Variants in ARHGAP44 observed in about 807,000 individuals in gnomAD.
ARHGAP44 encodes the protein rho GTPase-activating protein 44.
Under a neutral mutation model 106.8 loss-of-function variants are expected in ARHGAP44, and 43 were observed. That is an observed-to-expected ratio of 0.40 (90% CI 0.32 to 0.52). ARHGAP44 has a LOEUF of 0.52. Ranked by LOEUF, ARHGAP44 falls within the 20% of genes least tolerant of loss-of-function variation. ARHGAP44 has a pLI of 0.48. For missense variants in ARHGAP44, 866 were observed against 1,050.5 expected (o/e 0.82, Z 2.43); for synonymous variants, 439 against 410.3 (o/e 1.07, Z -0.85).
intron 3 of ARHGAP44, among the ~76,000 whole-genome samples, chr17:12,903,126 GGA>G (rs1555553546): frequency 1.8e-4 from 13 of 70,696 alleles, no homozygotes; most frequent in Admixed American, 1.0e-3. Flanking sequence ...GAGAGAGAGA[GGA>G]GAGAGAGAGA....
chr17:12,834,453 A>G (rs964631695), intron 1 of ARHGAP44, among the ~76,000 whole-genome samples: 6 of 152,218 alleles, frequency 3.9e-5, no homozygotes, highest in Admixed American at 2.6e-4. Context: ...GCAGTGAGCT[A>G]TGATGGCATC....
chr17:12,928,899 C>G (rs1160049077), intron 6 of ARHGAP44, 30 bp from the exon 7 acceptor site: 4 of 1,581,084 alleles, frequency 2.5e-6, no homozygotes, highest in Non-Finnish European at 3.4e-6. Context: ...CTACCTGTCT[C>G]ACATCTCTTT....
intron 12 of ARHGAP44, among the ~76,000 whole-genome samples, chr17:12,952,233 G>A (rs1567705478): frequency 6.6e-6 from 1 of 152,186 alleles, no homozygotes; most frequent in Non-Finnish European, 1.5e-5. Flanking sequence ...CCATAGCCCT[G>A]CCACACCAGA....
intron 1 of ARHGAP44, among the ~76,000 whole-genome samples, chr17:12,848,788 C>T (rs1357082206): frequency 6.6e-6 from 1 of 152,162 alleles, no homozygotes; most frequent in Non-Finnish European, 1.5e-5. Flanking sequence ...TGGCTCATGC[C>T]TGTAATCCAG....
intron 1 of ARHGAP44, among the ~76,000 whole-genome samples, chr17:12,856,907 C>G (rs2035926551): frequency 6.6e-6 from 1 of 152,158 alleles, no homozygotes; most frequent in East Asian, 1.9e-4. Context: ...CTGTGTATCC[C>G]TGTCCTTTCC....
At chr17:12,975,795 CA>C (rs57364760) in intron 18 of ARHGAP44, among the ~76,000 whole-genome samples, 1,939 of 69,290 alleles carry the variant, frequency 0.028, 38 homozygotes, top group African/African-American at 0.085. Flanking sequence ...GACTCCGTCT[CA>C]AAAAAAAAAA....
At chr17:12,981,877 G>C (rs573645189) in intron 19 of ARHGAP44, among the ~76,000 whole-genome samples, 1 of 152,190 alleles carries the variant, frequency 6.6e-6, no homozygotes, top group South Asian at 2.1e-4. Flanking sequence ...TGGGCGTGGT[G>C]GTGGGCGTCT....
chr17:12,841,585 G>GTCTCTC (rs146801593), intron 1 of ARHGAP44, among the ~76,000 whole-genome samples: 125 of 123,260 alleles, frequency 1.0e-3, no homozygotes, highest in African/African-American at 4.3e-3. Flanking sequence ...CTGTCTCTCT[G>GTCTCTC]TCTCTCTCTC....
intron 1 of ARHGAP44, among the ~76,000 whole-genome samples, chr17:12,831,785 A>G (rs545515233): frequency 2.0e-5 from 3 of 152,270 alleles, no homozygotes; most frequent in African/African-American, 4.8e-5. Flanking sequence ...GTAAGAAACA[A>G]TGGTCAGGGG....
At chr17:12,915,769 A>C (rs1242342520) in intron 4 of ARHGAP44, 131 bp from the exon 5 acceptor site, 4 of 714,114 alleles carry the variant, frequency 5.6e-6, no homozygotes, top group African/African-American at 3.6e-5. Flanking sequence ...AGGGGAAGCC[A>C]TGGAGATCAG....
At chr17:12,831,509 G>A (rs542258810) in intron 1 of ARHGAP44, among the ~76,000 whole-genome samples, 2 of 152,274 alleles carry the variant, frequency 1.3e-5, no homozygotes, top group South Asian at 4.1e-4. Context: ...CAGAGGCTCC[G>A]TAGAGTCAGG....
intron 1 of ARHGAP44, among the ~76,000 whole-genome samples, chr17:12,849,904 G>A (rs375148999): frequency 2.0e-5 from 3 of 152,024 alleles, no homozygotes; most frequent in African/African-American, 7.2e-5. Flanking sequence ...GAGCGATTCT[G>A]TGATGCTGGG....
At chr17:12,883,973 C>T (rs1486570292) in intron 1 of ARHGAP44, among the ~76,000 whole-genome samples, 1 of 152,092 alleles carries the variant, frequency 6.6e-6, no homozygotes, top group African/African-American at 2.4e-5. Context: ...GTATCAGGTA[C>T]CACCAAATTC....
In ARHGAP44 at chr17:12,867,007, T is replaced by C. The variant is rs546084535; in HGVS notation, c.54-27933T>C. On this transcript the variant is annotated intron_variant, in intron 1 of 20. Coordinates refer to ENST00000379672, the MANE Select transcript of ARHGAP44 (RefSeq NM_014859.6). ...TGCCTACAGCTCAAAATAATCCTTA[T>C]CCAAAGTGGCATATTATAGGGTAGC... is the stretch of plus-strand genomic sequence containing the variant. 2.8e-4 allele frequency among the ~76,000 whole-genome samples: 42 copies of C among 152,170 alleles called. No homozygotes were observed. The South Asian group carries it at 7.7e-3, about 28-fold the overall frequency.
chr17:12,927,066 T>C (rs1567691609), intron 6 of ARHGAP44, among the ~76,000 whole-genome samples: 1 of 152,208 alleles, frequency 6.6e-6, no homozygotes, highest in Non-Finnish European at 1.5e-5. Context: ...CCAGGAATTC[T>C]TCCTAATCTT....
intron 1 of ARHGAP44, among the ~76,000 whole-genome samples, chr17:12,888,819 C>G (rs984393205): frequency 3.3e-5 from 5 of 151,956 alleles, no homozygotes; most frequent in African/African-American, 1.2e-4. Context: ...GTGGCTTGAC[C>G]CTTTTGTCAT....
At chr17:12,832,855 A>G (rs1368474859) in intron 1 of ARHGAP44, among the ~76,000 whole-genome samples, 1 of 152,254 alleles carries the variant, frequency 6.6e-6, no homozygotes, top group Non-Finnish European at 1.5e-5. Flanking sequence ...TGTAAAGATC[A>G]TTCTGGATTG....
At chr17:12,830,228 G>T (rs2035044589) in intron 1 of ARHGAP44, among the ~76,000 whole-genome samples, 1 of 152,156 alleles carries the variant, frequency 6.6e-6, no homozygotes, top group Non-Finnish European at 1.5e-5. Context: ...TTAAGCCAAA[G>T]AACTCATTTT....
rs764356424 is a variant in ARHGAP44, at chr17:12,969,551, C to G, written c.1524-3751C>G. On this transcript the variant is annotated intron_variant, in intron 16 of 20. Transcript: ENST00000379672. ...AAAATCTAGGATTCATACCCAAATTCTCTGCTTTCAAAGCCCTGCTGTCCT... is the reference window on the plus strand; with the variant it reads ...AAAATCTAGGATTCATACCCAAATTGTCTGCTTTCAAAGCCCTGCTGTCCT... 7.2e-4 allele frequency among the ~76,000 whole-genome samples: 110 copies of G among 152,308 alleles called. 2 individuals carry two copies. The highest frequency in any genetic ancestry group is 1.8e-4 in the Non-Finnish European group (12 of 68,030).
Sources: gnomAD v4.1 joint callset for allele counts (sites outside exome capture counted in the v4.1 genomes callset) on GRCh38, gnomAD v4.1.1 for gene constraint, MANE v1.5 for transcripts, NCBI Gene and HGNC (gene_info 2026-07-23, HGNC 2026-07-21) for gene names.